NYAP2: variants seen among roughly 807,000 people sequenced by gnomAD.
NYAP2 encodes neuronal tyrosine-phosphorylated phosphoinositide-3-kinase adapter 2.
NYAP2 carries 23 observed loss-of-function variants against 50.4 expected under a neutral mutation model. The ratio of observed to expected loss-of-function variants is 0.46; its 90% CI spans 0.33 to 0.65. The LOEUF is 0.65. NYAP2 is among the 30% of genes least tolerant of loss of function. The pLI, the probability that NYAP2 is intolerant of heterozygous loss-of-function variation, is 0.02. For synonymous variants in NYAP2, 394 were observed against 365.2 expected, an observed-to-expected ratio of 1.08 and a Z score of -0.90; for missense variants, 885 against 861.0, an observed-to-expected ratio of 1.03 and a Z score of -0.35.
chr2:225,498,761 A>G (rs1690550660), intron 3 of NYAP2, among the ~76,000 whole-genome samples: 1 of 152,176 alleles, frequency 6.6e-6, no homozygotes, highest in African/African-American at 2.4e-5. Flanking sequence ...GAGTGTCTGT[A>G]TATATAGGAA....
intron 4 of NYAP2, among the ~76,000 whole-genome samples, chr2:225,534,349 A>G (rs534087986): frequency 1.3e-5 from 2 of 152,354 alleles, no homozygotes; most frequent in South Asian, 2.1e-4. Flanking sequence ...TCAGAGAGAC[A>G]GATGCTTGGA....
the NYAP2 span, among the ~76,000 whole-genome samples, chr2:225,665,429 C>A: frequency 6.6e-6 from 1 of 152,082 alleles, no homozygotes; most frequent in African/African-American, 2.4e-5. Flanking sequence ...GAAAGAAGGT[C>A]TCTCCCCTTC....
At chr2:225,668,290 T>C in the NYAP2 span, among the ~76,000 whole-genome samples, 3 of 152,166 alleles carry the variant, frequency 2.0e-5, no homozygotes, top group East Asian at 1.9e-4. Context: ...GAAAACTACA[T>C]GTGATGACCT....
chr2:225,401,735 A>G (rs1694865752), intron 2 of NYAP2, among the ~76,000 whole-genome samples: 1 of 151,354 alleles, frequency 6.6e-6, no homozygotes, highest in Non-Finnish European at 1.5e-5. Context: ...TTTAAATACA[A>G]GACATGTGAG....
At chr2:225,523,731 CA>C (rs948769302) in intron 4 of NYAP2, among the ~76,000 whole-genome samples, 8 of 151,706 alleles carry the variant, frequency 5.3e-5, no homozygotes, top group African/African-American at 1.2e-4. Flanking sequence ...CACATGAAAC[CA>C]AAAAAACAAG....
the NYAP2 span, among the ~76,000 whole-genome samples, chr2:225,661,441 C>T: frequency 1.3e-5 from 2 of 152,162 alleles, no homozygotes; most frequent in Non-Finnish European, 2.9e-5. Context: ...AAATTGGATT[C>T]CTAAAATAGC....
chr2:225,614,278 A>AT (rs570521507), intron 5 of NYAP2, among the ~76,000 whole-genome samples: 1 of 152,320 alleles, frequency 6.6e-6, no homozygotes, highest in Non-Finnish European at 1.5e-5. Flanking sequence ...AACAGTTAAT[A>AT]TTTTATTTAT....
intron 5 of NYAP2, among the ~76,000 whole-genome samples, chr2:225,590,856 T>C (rs1692488926): frequency 6.6e-6 from 1 of 152,212 alleles, no homozygotes; most frequent in South Asian, 2.1e-4. Flanking sequence ...ATGGAATACA[T>C]GGTGGGCGAT....
chr2:225,473,838 CT>C (rs960715462), intron 3 of NYAP2, among the ~76,000 whole-genome samples: 114 of 152,286 alleles, frequency 7.5e-4, no homozygotes, highest in African/African-American at 2.6e-3. Flanking sequence ...TCAATTTTGG[CT>C]TTTGTTGCCA....
In NYAP2 at chr2:225,582,681, C is replaced by A; in HGVS notation, c.1264C>A (p.Arg422=). Residue 422 remains arginine, a synonymous_variant, in exon 5 of 7, where the codon CGA becomes AGA. Coordinates refer to ENST00000636099, the Ensembl canonical transcript of NYAP2. This position sits in a 1 kb window ranked among gnomAD's most constrained non-coding sequence, Gnocchi z 7.0. The stretch of plus-strand genomic sequence containing the variant: ...GCCCCCACCCCCGTCTACGCTGTAC[C>A]GAACCCAGTCTCCCCATGGCTACCC... 1 of 1,602,380 alleles carries A rather than the reference C, an allele frequency of 6.2e-7. No homozygotes were observed. The highest frequency in any genetic ancestry group is 1.1e-5 in the South Asian group (1 of 89,200).
At chr2:225,503,682 CT>C (rs1442055192) in intron 3 of NYAP2, among the ~76,000 whole-genome samples, 1 of 152,108 alleles carries the variant, frequency 6.6e-6, no homozygotes, top group Non-Finnish European at 1.5e-5. Flanking sequence ...GGCAATAGCA[CT>C]TCGTGATAAA....
chr2:225,664,987 G>A, the NYAP2 span, among the ~76,000 whole-genome samples: 256 of 152,224 alleles, frequency 1.7e-3, no homozygotes, highest in African/African-American at 6.0e-3. Context: ...ATATATTTAA[G>A]GCAGAACATG....
At chr2:225,654,225 GA>G (rs1693787600), downstream of NYAP2, among the ~76,000 whole-genome samples, 3 of 152,020 alleles carry the variant, frequency 2.0e-5, no homozygotes, top group African/African-American at 7.3e-5. Context: ...CCTAAACAAG[GA>G]TAGGGAACAC....
At chr2:225,681,461 C>T in the NYAP2 span, among the ~76,000 whole-genome samples, 2 of 152,134 alleles carry the variant, frequency 1.3e-5, no homozygotes, top group East Asian at 3.9e-4. Context: ...TATCTTAGGG[C>T]TTGTGGATGG....
chr2:225,657,773 AG>A (rs1001580010), downstream of NYAP2, among the ~76,000 whole-genome samples: 1 of 152,154 alleles, frequency 6.6e-6, no homozygotes, highest in Non-Finnish European at 1.5e-5. Context: ...CCTATAGACC[AG>A]GGACATTTTA....
At chr2:225,413,643 G>C (rs1695081739) in intron 3 of NYAP2, among the ~76,000 whole-genome samples, 1 of 152,086 alleles carries the variant, frequency 6.6e-6, no homozygotes, top group Admixed American at 6.6e-5. Context: ...AGTCACACTG[G>C]CATTTTGGGA....
intron 6 of NYAP2, among the ~76,000 whole-genome samples, chr2:225,630,174 G>C (rs1287219727): frequency 6.6e-6 from 1 of 152,176 alleles, no homozygotes; most frequent in Non-Finnish European, 1.5e-5. Context: ...AACTGCAAAG[G>C]TAGGTGGTGA....
At chr2:225,697,276 G>A in the NYAP2 span, among the ~76,000 whole-genome samples, 19 of 151,856 alleles carry the variant, frequency 1.3e-4, no homozygotes, top group African/African-American at 4.6e-4. Context: ...AGTCCACACC[G>A]AGCTTTCTTC....
intron 5 of NYAP2, among the ~76,000 whole-genome samples, chr2:225,615,371 T>C (rs1202846593): frequency 6.6e-6 from 1 of 152,116 alleles, no homozygotes; most frequent in East Asian, 1.9e-4. Flanking sequence ...CTACTATTAA[T>C]GAGGGATGTT....
Sources: gnomAD v4.1 joint callset for allele counts (sites outside exome capture counted in the v4.1 genomes callset) on GRCh38, gnomAD v4.1.1 for gene constraint, Gnocchi (gnomAD v3.1) non-coding constraint, MANE v1.5 for transcripts, NCBI Gene and HGNC (gene_info 2026-07-23, HGNC 2026-07-21) for gene names.